Variants in ALDH4A1 observed in about 807,000 individuals in gnomAD.
The protein encoded by ALDH4A1 is aldehyde dehydrogenase 4 family member A1.
Under a neutral mutation model 70.5 loss-of-function variants are expected in ALDH4A1, and 46 were observed. The observed-to-expected ratio is 0.65, with a 90% CI of 0.51 to 0.83. The LOEUF (loss-of-function observed/expected upper bound fraction) is 0.83. Ranked by LOEUF, ALDH4A1 falls within the 40% of genes least tolerant of loss-of-function variation. The pLI is 0.00. For synonymous variants in ALDH4A1, 323 were observed against 324.3 expected, an observed-to-expected ratio of 1.00 and a Z score of 0.04; for missense variants, 749 against 766.5, an observed-to-expected ratio of 0.98 and a Z score of 0.27.
chr1:18,876,530 A>G (rs1486871206), intron 11 of ALDH4A1, 63 bp from the exon 12 acceptor site: 2 of 1,508,336 alleles, frequency 1.3e-6, no homozygotes, highest in East Asian at 4.9e-5. Context: ...GGCAGCCCCC[A>G]CAACACACTC....
Position 18,883,436 on chromosome 1 carries a change from G to A in ALDH4A1, c.454-8C>T, listed in dbSNP as rs1935070273. On this transcript the variant is annotated splice_polypyrimidine_tract_variant and splice_region_variant and intron_variant, in intron 5 of 14. Transcript: ENST00000375341. ...TTGGATCACGGTCTTACCCTGCAAG[G>A]CAGAGGGCCGGGGGTCAGGAGCAGC... is the stretch of plus-strand genomic sequence containing the variant. The A allele has an allele frequency of 1.9e-6, 3 of 1,613,108 alleles. No homozygotes were observed. Among genetic ancestry groups the A allele is most frequent in the Non-Finnish European group, 2.5e-6 (3 of 1,180,018 alleles).
In ALDH4A1 at chr1:18,872,918, C is replaced by A. The variant is rs759758353; in HGVS notation, c.1619G>T (p.Arg540Leu). Residue 540 changes from arginine (R) to leucine (L), a missense_variant, in exon 15 of 15, where the codon CGC (arginine) becomes CTC (leucine). Coordinates refer to ENST00000375341, the MANE Select transcript of ALDH4A1 (RefSeq NM_003748.4). ...CTTGATGACCTGCGGCGACGTCCAG[C>A]GCAGGATGTAGTGTGGGCCCCCTGG... The part of the protein sequence containing the change: ...DKPGGPHYIL[R>L]WTSPQVIKET... 2.5e-6 allele frequency: 4 copies of A among 1,614,084 alleles called. No individual in the cohort carries two copies. The highest frequency in any genetic ancestry group is 3.3e-5 in the Admixed American group (2 of 60,030).
At chr1:18,875,196 C>T (rs116314875) in intron 13 of ALDH4A1, among the ~76,000 whole-genome samples, 186 bp downstream of exon 13, 72 of 152,320 alleles carry the variant, frequency 4.7e-4, no homozygotes, top group African/African-American at 1.6e-3. Context: ...CCACCAGTAC[C>T]GGCAACAAAG....
chr1:18,887,576 G>A (rs981603738), intron 3 of ALDH4A1, among the ~76,000 whole-genome samples: 2 of 152,090 alleles, frequency 1.3e-5, no homozygotes, highest in African/African-American at 4.8e-5. Flanking sequence ...TCCAGCCTGG[G>A]CGACAGAGCG....
chr1:18,887,816 C>T (rs1935276959), intron 3 of ALDH4A1, among the ~76,000 whole-genome samples: 2 of 152,204 alleles, frequency 1.3e-5, no homozygotes, highest in Non-Finnish European at 2.9e-5. Context: ...GCTGGTCCCC[C>T]ACTTCCTCAG....
chr1:18,878,071 G>C (rs1462235940), intron 9 of ALDH4A1, among the ~76,000 whole-genome samples: 1 of 152,104 alleles, frequency 6.6e-6, no homozygotes, highest in Admixed American at 6.5e-5. Context: ...ACGCGTGCTG[G>C]AAACCGCTCC....
At chr1:18,875,304 C>G in intron 13 of ALDH4A1, 78 bp downstream of exon 13, 2 of 1,609,216 alleles carry the variant, frequency 1.2e-6, no homozygotes, top group Non-Finnish European at 1.7e-6. Context: ...TTACTGGGAA[C>G]CACGTCCAGG....
intron 9 of ALDH4A1, 28 bp downstream of exon 9, chr1:18,879,272 C>G (rs771742538): frequency 6.3e-7 from 1 of 1,587,538 alleles, no homozygotes; most frequent in Non-Finnish European, 8.6e-7. Flanking sequence ...TGGGGCCACA[C>G]GGGAGGAGGA....
At chr1:18,889,534 G>C (rs1935352534) in intron 2 of ALDH4A1, 80 bp from the exon 3 acceptor site, 1 of 1,295,138 alleles carries the variant, frequency 7.7e-7, no homozygotes, top group Non-Finnish European at 1.1e-6. Flanking sequence ...AGAGTCCACA[G>C]ACGGAGGTGC....
intron 1 of ALDH4A1, among the ~76,000 whole-genome samples, chr1:18,897,480 T>A (rs1041119630): frequency 1.3e-5 from 2 of 152,132 alleles, no homozygotes; most frequent in Admixed American, 6.5e-5. Context: ...GAGGTGAAGG[T>A]TGCAGTGAGC....
At chr1:18,891,719 G>A (rs981363187) in intron 1 of ALDH4A1, among the ~76,000 whole-genome samples, 5 of 152,234 alleles carry the variant, frequency 3.3e-5, no homozygotes, top group East Asian at 1.9e-4. Context: ...GTTTTTGTCC[G>A]TGCTTAGACA....
At chr1:18,879,173 G>T in intron 9 of ALDH4A1, 127 bp downstream of exon 9, 3 of 909,708 alleles carry the variant, frequency 3.3e-6, no homozygotes, top group Non-Finnish European at 5.2e-6. Context: ...ACTGGGCAGT[G>T]CTGGTGCCTG....
chr1:18,897,341 T>G (rs1009765138), intron 1 of ALDH4A1, among the ~76,000 whole-genome samples: 4 of 151,964 alleles, frequency 2.6e-5, no homozygotes, highest in Non-Finnish European at 4.4e-5. Context: ...TCAGGAGTTC[T>G]AGACCAGCCT....
chr1:18,896,480 C>G (rs571213334), intron 1 of ALDH4A1, among the ~76,000 whole-genome samples: 2 of 152,316 alleles, frequency 1.3e-5, no homozygotes, highest in South Asian at 4.1e-4. Context: ...CTTCATGCAG[C>G]CTCCTGACTT....
chr1:18,893,065 A>T (rs1034824958), intron 1 of ALDH4A1, among the ~76,000 whole-genome samples: 1 of 152,162 alleles, frequency 6.6e-6, no homozygotes, highest in Non-Finnish European at 1.5e-5. Context: ...GGTGAGCCAG[A>T]TATCACCATC....
chr1:18,877,332 A>C, intron 10 of ALDH4A1, 77 bp from the exon 11 acceptor site: 1 of 1,556,028 alleles, frequency 6.4e-7, no homozygotes, highest in Non-Finnish European at 8.7e-7. Context: ...CGCACACCCC[A>C]GCCCCGGCTG....
chr1:18,899,397 G>A (rs1935724728), intron 1 of ALDH4A1, among the ~76,000 whole-genome samples: 1 of 152,232 alleles, frequency 6.6e-6, no homozygotes, highest in South Asian at 2.1e-4. Context: ...GGCTGAGCTG[G>A]AGTCATGTCT....
chr1:18,877,474 A>G lies in ALDH4A1; in HGVS notation c.1079T>C (p.Leu360Pro). The change falls in exon 10 of 15, where the codon CTG becomes CCG. Residue 360 changes from leucine to proline, a missense_variant. Leu to Pro is a moderately conservative substitution (Grantham distance 98). Coordinates refer to ENST00000375341, the MANE Select transcript of ALDH4A1 (RefSeq NM_003748.4). ...ACSRLYVPHS[L>P]WPQIKGRLLE... The stretch of plus-strand genomic sequence containing the variant: ...CAGCCGCCCTTTGATCTGCGGCCAC[A>G]GCGAGTGCGGCACGTAGAGACGCGA... 1 of 1,597,666 alleles carries G rather than the reference A, an allele frequency of 6.3e-7. No individual in the cohort carries two copies. The highest frequency in any genetic ancestry group is 2.3e-5 in the East Asian group (1 of 44,306).
chr1:18,887,657 G>C lies in ALDH4A1; in HGVS notation c.250-1146C>G, dbSNP rs188642517. Among the ~76,000 whole-genome samples, 3 of 151,674 alleles carry C rather than the reference G, an allele frequency of 2.0e-5. No individual in the cohort carries two copies. In the East Asian group the frequency reaches 5.8e-4, roughly 29 times the overall value. On this transcript the variant is annotated intron_variant, in intron 3 of 14. Transcript: ENST00000375341. ...TGGGTAAAGGTACAAGGAACACCAC[G>C]ATGACATCCCACCGGAGAGGGCCAA... is the stretch of plus-strand genomic sequence containing the variant.
Sources: allele counts gnomAD v4.1 joint callset (sites outside exome capture counted in the v4.1 genomes callset), GRCh38; gene constraint gnomAD v4.1.1; transcripts MANE v1.5; gene names NCBI Gene and HGNC (gene_info 2026-07-23, HGNC 2026-07-21).